Variants in CNTNAP5 observed in about 807,000 individuals in gnomAD.
CNTNAP5 encodes the protein contactin associated protein family member 5.
In CNTNAP5, 72 loss-of-function variants were observed where a neutral mutation model predicts 150.2. The observed-to-expected ratio is 0.48, with a 90% CI of 0.40 to 0.58. The LOEUF is 0.58. Ranked by LOEUF, CNTNAP5 falls within the 20% of genes least tolerant of loss-of-function variation. The pLI is 0.00. For synonymous variants in CNTNAP5, 672 were observed against 619.8 expected (o/e 1.08, Z -1.25); for missense variants, 1,636 against 1,626.2 (o/e 1.01, Z -0.10).
At chr2:124,689,915 A>G (rs78024203) in intron 13 of CNTNAP5, among the ~76,000 whole-genome samples, 2,243 of 152,178 alleles carry the variant, frequency 0.015, 21 homozygotes, top group Non-Finnish European at 0.022. Flanking sequence ...TGTAGAACAA[A>G]GGGAAAGGGG....
chr2:124,689,551 G>T (rs1202180551), intron 13 of CNTNAP5, among the ~76,000 whole-genome samples: 1 of 152,076 alleles, frequency 6.6e-6, no homozygotes, highest in East Asian at 1.9e-4. Context: ...CCACATATAT[G>T]TATATGTGTG....
chr2:124,895,451 C>T (rs1678283491), intron 21 of CNTNAP5, among the ~76,000 whole-genome samples: 1 of 151,522 alleles, frequency 6.6e-6, no homozygotes, highest in East Asian at 1.9e-4. Flanking sequence ...ATAGTGAGAC[C>T]CTTTCTCCAC....
intron 3 of CNTNAP5, among the ~76,000 whole-genome samples, chr2:124,307,732 T>C (rs707497): frequency 0.68 from 102,911 of 152,116 alleles, 35,154 homozygotes; most frequent in African/African-American, 0.78. Flanking sequence ...TTTCTTAGGT[T>C]TCAAGCAAAG....
chr2:124,888,233 A>T (rs1678121180), intron 21 of CNTNAP5, among the ~76,000 whole-genome samples: 1 of 152,146 alleles, frequency 6.6e-6, no homozygotes, highest in African/African-American at 2.4e-5. Context: ...TTCATTCAGG[A>T]TAATGACTTC....
At chr2:124,241,255 T>C (rs1195858992) in intron 2 of CNTNAP5, among the ~76,000 whole-genome samples, 3 of 152,196 alleles carry the variant, frequency 2.0e-5, no homozygotes, top group Non-Finnish European at 2.9e-5. Context: ...TCAGGTGTGA[T>C]ACATACAAAA....
chr2:124,797,702 G>A (rs969308334), intron 18 of CNTNAP5, among the ~76,000 whole-genome samples: 2 of 152,178 alleles, frequency 1.3e-5, no homozygotes, highest in South Asian at 2.1e-4. Flanking sequence ...TCAGTTTTGG[G>A]AGTAAGATGG....
At chr2:124,714,168 A>G (rs1316474013) in intron 13 of CNTNAP5, among the ~76,000 whole-genome samples, 1 of 151,996 alleles carries the variant, frequency 6.6e-6, no homozygotes, top group Non-Finnish European at 1.5e-5. Flanking sequence ...CCTTCTCAAG[A>G]GTCGCTTGAG....
intron 11 of CNTNAP5, among the ~76,000 whole-genome samples, chr2:124,577,981 C>A (rs1431495552): frequency 1.3e-5 from 2 of 151,874 alleles, no homozygotes; most frequent in Non-Finnish European, 1.5e-5. Context: ...AAATACATGA[C>A]AACAATGGTC....
At chr2:124,275,110 G>A (rs1687854919) in intron 3 of CNTNAP5, among the ~76,000 whole-genome samples, 1 of 152,030 alleles carries the variant, frequency 6.6e-6, no homozygotes, top group Admixed American at 6.6e-5. Flanking sequence ...GATCTCATGA[G>A]ACATATTCAC....
At chr2:124,526,249 G>A (rs986759118) in intron 9 of CNTNAP5, among the ~76,000 whole-genome samples, 8 of 152,148 alleles carry the variant, frequency 5.3e-5, no homozygotes, top group African/African-American at 1.7e-4. Context: ...TGCCCCACGC[G>A]TAGACTGTAA....
At chr2:124,853,004 A>T (rs1467848194) in intron 19 of CNTNAP5, among the ~76,000 whole-genome samples, 1 of 152,242 alleles carries the variant, frequency 6.6e-6, no homozygotes, top group Non-Finnish European at 1.5e-5. Flanking sequence ...AAACTGAAAG[A>T]TGCATAGGAA....
intron 3 of CNTNAP5, among the ~76,000 whole-genome samples, chr2:124,333,350 G>A (rs1419937159): frequency 6.6e-6 from 1 of 152,104 alleles, no homozygotes; most frequent in Non-Finnish European, 1.5e-5. Context: ...CTGTGTCTTT[G>A]TAAATGGAGC....
At chr2:124,783,452 T>G (rs1391408395) in intron 17 of CNTNAP5, among the ~76,000 whole-genome samples, 2 of 152,138 alleles carry the variant, frequency 1.3e-5, no homozygotes, top group Non-Finnish European at 1.5e-5. Context: ...TATTTCTGCT[T>G]GTAATCCTCC....
chr2:124,818,296 G>T (rs1417052721), intron 19 of CNTNAP5, among the ~76,000 whole-genome samples: 1 of 152,132 alleles, frequency 6.6e-6, no homozygotes, highest in Non-Finnish European at 1.5e-5. Flanking sequence ...TCCCAGAATT[G>T]CTTGCTTGAG....
At chr2:124,327,625 C>T (rs1001333469) in intron 3 of CNTNAP5, among the ~76,000 whole-genome samples, 1 of 152,164 alleles carries the variant, frequency 6.6e-6, no homozygotes, top group Non-Finnish European at 1.5e-5. Flanking sequence ...CTCCACAACT[C>T]CTTATTGTAA....
chr2:124,104,719 T>C (rs527439506), intron 1 of CNTNAP5, among the ~76,000 whole-genome samples: 3 of 152,296 alleles, frequency 2.0e-5, no homozygotes, highest in South Asian at 2.1e-4. Flanking sequence ...TGGACTCTGA[T>C]GGTTGATATA....
chr2:124,626,041 C>T (rs1198413446), intron 12 of CNTNAP5, among the ~76,000 whole-genome samples: 1 of 152,056 alleles, frequency 6.6e-6, no homozygotes, highest in Non-Finnish European at 1.5e-5. Context: ...AGCAAATGTA[C>T]CCAACACACC....
chr2:124,621,576 A>C (rs1006251845), intron 12 of CNTNAP5, among the ~76,000 whole-genome samples: 1 of 152,232 alleles, frequency 6.6e-6, no homozygotes, highest in Non-Finnish European at 1.5e-5. Context: ...ATATTTCTGC[A>C]CATAATTGTG....
chr2:124,310,071 T>A (rs1427390049), intron 3 of CNTNAP5, among the ~76,000 whole-genome samples: 1 of 149,778 alleles, frequency 6.7e-6, no homozygotes, highest in Non-Finnish European at 1.5e-5. Flanking sequence ...TTTTTTTTTT[T>A]ATGAGCATTA....
Sources: allele counts gnomAD v4.1 joint callset (sites outside exome capture counted in the v4.1 genomes callset), GRCh38; gene constraint gnomAD v4.1.1; transcripts MANE v1.5; gene names NCBI Gene and HGNC (gene_info 2026-07-23, HGNC 2026-07-21).